Variants in STK3 observed in about 807,000 individuals in gnomAD.
STK3 encodes the protein serine/threonine-protein kinase 3.
In STK3, 41 loss-of-function variants were observed where a neutral mutation model predicts 58.0. The observed-to-expected ratio is 0.71, with a 90% CI of 0.55 to 0.92. STK3 has a LOEUF of 0.92. Ranked by LOEUF, STK3 falls within the 40% of genes least tolerant of loss-of-function variation. The pLI is 0.00. For missense variants in STK3, 479 were observed against 602.7 expected (o/e 0.79, Z 2.15); for synonymous variants, 170 against 191.0 (o/e 0.89, Z 0.91).
At chr8:98,862,881 C>T (rs1836986153) in intron 3 of STK3, among the ~76,000 whole-genome samples, 1 of 152,216 alleles carries the variant, frequency 6.6e-6, no homozygotes, top group Admixed American at 6.5e-5. Flanking sequence ...TTAAGGTACA[C>T]ACAACAGGTT....
chr8:98,897,518 C>A (rs979682013), intron 1 of STK3, among the ~76,000 whole-genome samples: 2 of 151,998 alleles, frequency 1.3e-5, no homozygotes, highest in Admixed American at 6.6e-5. Context: ...TGGCGTGAAC[C>A]CGGGAGGCGG....
At chr8:98,900,578 A>C (rs4735584) in intron 1 of STK3, among the ~76,000 whole-genome samples, 11,610 of 152,090 alleles carry the variant, frequency 0.076, 691 homozygotes, top group African/African-American at 0.16. Flanking sequence ...ATATGTATAC[A>C]TTACACATAG....
At chr8:98,779,698 A>G (rs1344293993) in intron 1 of STK3, among the ~76,000 whole-genome samples, 1 of 152,234 alleles carries the variant, frequency 6.6e-6, no homozygotes, top group Non-Finnish European at 1.5e-5. Flanking sequence ...GGTCCCAAGC[A>G]TCTCAGATAA....
chr8:98,867,339 GGGAGGC>G (rs1837181472), intron 3 of STK3, among the ~76,000 whole-genome samples: 1 of 152,172 alleles, frequency 6.6e-6, no homozygotes, highest in African/African-American at 2.4e-5. Context: ...ACTTGAGCCT[GGGAGGC>G]GGAGGTTCCA....
chr8:98,488,442 A>G (rs940167384), intron 10 of STK3, among the ~76,000 whole-genome samples: 2 of 152,198 alleles, frequency 1.3e-5, no homozygotes, highest in Non-Finnish European at 2.9e-5. Context: ...TAGTGGTAAC[A>G]AAACTGTTTC....
intron 3 of STK3, among the ~76,000 whole-genome samples, chr8:98,842,967 G>T (rs1030041512): frequency 3.3e-5 from 5 of 152,018 alleles, no homozygotes; most frequent in African/African-American, 4.8e-5. Flanking sequence ...CAGTAGCCAA[G>T]ATCATGCTAC....
intron 4 of STK3, among the ~76,000 whole-genome samples, chr8:98,715,049 T>A (rs1313712581): frequency 6.6e-6 from 1 of 152,196 alleles, no homozygotes; most frequent in East Asian, 1.9e-4. Flanking sequence ...CCCTATTTAA[T>A]AAATGGTGCT....
chr8:98,860,216 A>G (rs118161670), intron 3 of STK3, among the ~76,000 whole-genome samples: 4,822 of 152,338 alleles, frequency 0.032, 114 homozygotes, highest in Non-Finnish European at 0.046. Context: ...AATAGATGTG[A>G]TAACATGAAA....
At chr8:98,401,085 C>G (rs1359511256), downstream of STK3, among the ~76,000 whole-genome samples, 1 of 152,138 alleles carries the variant, frequency 6.6e-6, no homozygotes, top group Non-Finnish European at 1.5e-5. Context: ...CCACCTGGCT[C>G]TCTCTCTCGG....
chr8:98,845,969 T>C (rs1836184698), intron 3 of STK3, among the ~76,000 whole-genome samples: 1 of 152,208 alleles, frequency 6.6e-6, no homozygotes, highest in Non-Finnish European at 1.5e-5. Flanking sequence ...GAGTAGGAAG[T>C]TGCTGTTGTC....
chr8:98,730,715 CA>C (rs36085293), intron 4 of STK3, among the ~76,000 whole-genome samples: 21,696 of 66,928 alleles, frequency 0.32, 968 homozygotes, highest in East Asian at 0.41. Flanking sequence ...GACTCCGTCT[CA>C]AAAAAAAAAA....
At chr8:98,596,306 C>T in intron 6 of STK3, 137 bp from the exon 7 acceptor site, 1 of 1,038,496 alleles carries the variant, frequency 9.6e-7, no homozygotes, top group South Asian at 2.2e-5. Flanking sequence ...TCTAGTAACA[C>T]TGAAATTCAG....
chr8:98,477,825 G>T (rs1271114802), intron 10 of STK3, among the ~76,000 whole-genome samples: 3 of 149,510 alleles, frequency 2.0e-5, no homozygotes, highest in Non-Finnish European at 4.4e-5. Flanking sequence ...ACTAATGAAC[G>T]TTTGGTGGGG....
chr8:98,555,691 T>G (rs1439245369), intron 8 of STK3, among the ~76,000 whole-genome samples: 1 of 152,082 alleles, frequency 6.6e-6, no homozygotes, highest in Non-Finnish European at 1.5e-5. Context: ...CTTGAAACAA[T>G]TATACAAAAA....
At chr8:98,364,668 C>T in the STK3 span, among the ~76,000 whole-genome samples, 3 of 152,322 alleles carry the variant, frequency 2.0e-5, no homozygotes, top group South Asian at 6.2e-4. Context: ...TCTTCCCCCA[C>T]CCCTATGCCA....
chr8:98,835,551 G>A (rs1387146895), intron 3 of STK3, among the ~76,000 whole-genome samples: 1 of 152,154 alleles, frequency 6.6e-6, no homozygotes, highest in African/African-American at 2.4e-5. Context: ...ACAGCACCCA[G>A]TGGCCAACAG....
chr8:98,349,832 C>A, the STK3 span, among the ~76,000 whole-genome samples: 621 of 152,280 alleles, frequency 4.1e-3, 6 homozygotes, highest in African/African-American at 0.014. Flanking sequence ...AATCCCTAGA[C>A]TGCACACAGC....
upstream of STK3, among the ~76,000 whole-genome samples, chr8:98,829,363 A>C (rs941976619): frequency 6.6e-6 from 1 of 152,164 alleles, no homozygotes; most frequent in African/African-American, 2.4e-5. Context: ...TTCAATTGAC[A>C]CTAATTTGAT....
chr8:98,697,934 G>C (rs201171527), intron 6 of STK3, among the ~76,000 whole-genome samples: 1 of 152,046 alleles, frequency 6.6e-6, no homozygotes, highest in African/African-American at 2.4e-5. Context: ...CTTTCTGTCT[G>C]GTTGATCTGT....
Sources: gnomAD v4.1 joint callset for allele counts (sites outside exome capture counted in the v4.1 genomes callset) on GRCh38, gnomAD v4.1.1 for gene constraint, MANE v1.5 for transcripts, NCBI Gene and HGNC (gene_info 2026-07-23, HGNC 2026-07-21) for gene names.